PLCG2: variants seen among roughly 807,000 people sequenced by gnomAD.
PLCG2 encodes phospholipase C gamma 2.
PLCG2 carries 69 observed loss-of-function variants against 175.6 expected under a neutral mutation model. The observed-to-expected ratio is 0.39, with a 90% CI of 0.32 to 0.48. The LOEUF (loss-of-function observed/expected upper bound fraction) is 0.48, where lower values mean the gene tolerates loss of function less well. Among genes scored for constraint, PLCG2 ranks in the 20% least tolerant of loss-of-function variants. The pLI is 0.91. For missense variants in PLCG2, 1,798 were observed against 1,650.9 expected, an observed-to-expected ratio of 1.09 and a Z score of -1.54; for synonymous variants, 827 against 624.0, an observed-to-expected ratio of 1.33 and a Z score of -4.85.
upstream of PLCG2, among the ~76,000 whole-genome samples, chr16:81,774,413 G>A (rs1910352904): frequency 6.6e-6 from 1 of 152,040 alleles, no homozygotes; most frequent in South Asian, 2.1e-4. Context: ...AATAGCAGAG[G>A]GGTCTGCCCT....
chr16:81,834,613 G>GCTGCTGCTGCTGCTGCTC (rs1207468729), intron 2 of PLCG2, among the ~76,000 whole-genome samples: 1 of 152,100 alleles, frequency 6.6e-6, no homozygotes, highest in African/African-American at 2.4e-5. Flanking sequence ...TGCTGCTGCT[G>GCTGCTGCTGCTGCTGCTC]TTGGGAGTTT....
chr16:81,812,747 C>G (rs1904371999), intron 2 of PLCG2, among the ~76,000 whole-genome samples: 1 of 152,080 alleles, frequency 6.6e-6, no homozygotes, highest in Non-Finnish European at 1.5e-5. Flanking sequence ...AAGTCTTTGC[C>G]CATGCCTATG....
chr16:81,883,518 G>C, intron 9 of PLCG2, 177 bp downstream of exon 9: 4 of 611,196 alleles, frequency 6.5e-6, no homozygotes, highest in South Asian at 1.9e-5. Context: ...AGAGACTTCA[G>C]ATTGCTGTCT....
At chr16:81,860,773 C>A (rs1906940475) in intron 5 of PLCG2, among the ~76,000 whole-genome samples, 2 of 152,054 alleles carry the variant, frequency 1.3e-5, no homozygotes, top group African/African-American at 4.8e-5. Context: ...GAGTTCGAGA[C>A]CAGCCTGGGC....
intron 2 of PLCG2, among the ~76,000 whole-genome samples, chr16:81,834,189 C>A (rs183755474): frequency 1.2e-4 from 18 of 152,252 alleles, no homozygotes; most frequent in African/African-American, 4.3e-4. Flanking sequence ...GGGCTTTCTT[C>A]CCAAGATTGG....
At chr16:81,768,983 A>T (rs980748463) in intron 2 of PLCG2, among the ~76,000 whole-genome samples, 8 of 152,134 alleles carry the variant, frequency 5.3e-5, no homozygotes, top group Non-Finnish European at 8.8e-5. Context: ...TCATCTCCTT[A>T]TCCTCAGAGC....
intron 1 of PLCG2, among the ~76,000 whole-genome samples, chr16:81,742,886 C>T (rs1909625676): frequency 6.6e-6 from 1 of 152,206 alleles, no homozygotes; most frequent in Admixed American, 6.5e-5. Context: ...TCTTGTTCTT[C>T]CAGACGTGTG....
intron 31 of PLCG2, among the ~76,000 whole-genome samples, chr16:81,951,123 T>C (rs1255321067): frequency 6.6e-6 from 1 of 152,002 alleles, no homozygotes; most frequent in Non-Finnish European, 1.5e-5. Flanking sequence ...TACAGGCATA[T>C]GCCACCATGC....
intron 2 of PLCG2, among the ~76,000 whole-genome samples, chr16:81,787,593 A>T (rs1597318450): frequency 1.3e-5 from 2 of 150,398 alleles, no homozygotes; most frequent in African/African-American, 4.9e-5. Flanking sequence ...TATACATAGA[A>T]TTCACCCATT....
In PLCG2 at chr16:81,868,758, C is replaced by T. The variant is rs536679055; in HGVS notation, c.480-456C>T. Among the ~76,000 whole-genome samples the T allele has an allele frequency of 2.6e-5, 4 of 152,384 alleles. No individual in the cohort carries two copies. The East Asian group carries it at 7.7e-4, about 29-fold the overall frequency. The stretch of plus-strand genomic sequence containing the variant: ...TTGAGATTATCTGGTCATTTGACAT[C>T]ATTTTCTGCCCACACTGAATCTCCT... On this transcript the variant is annotated intron_variant, in intron 5 of 32. Transcript: ENST00000564138.
chr16:81,878,205 C>T (rs1907908223), intron 7 of PLCG2, among the ~76,000 whole-genome samples: 1 of 151,750 alleles, frequency 6.6e-6, no homozygotes, highest in Non-Finnish European at 1.5e-5. Flanking sequence ...AGGATGGTCT[C>T]CATCTCCTGA....
At chr16:81,872,736 G>A (rs1409414199) in intron 7 of PLCG2, among the ~76,000 whole-genome samples, 1 of 152,218 alleles carries the variant, frequency 6.6e-6, no homozygotes, top group Non-Finnish European at 1.5e-5. Context: ...CTTGGAGTCA[G>A]GTGGCTGTGG....
intron 30 of PLCG2, among the ~76,000 whole-genome samples, chr16:81,940,984 G>A (rs529936458): frequency 6.6e-6 from 1 of 152,160 alleles, no homozygotes; most frequent in African/African-American, 2.4e-5. Flanking sequence ...TTCCTCAAGA[G>A]GTCACTGTTC....
chr16:81,932,112 G>T (rs1176320792), intron 25 of PLCG2, among the ~76,000 whole-genome samples: 1 of 152,140 alleles, frequency 6.6e-6, no homozygotes, highest in Non-Finnish European at 1.5e-5. Context: ...TCCGGTGGAG[G>T]AACTTCCCCT....
chr16:81,946,391 A>T (rs1276067578), intron 31 of PLCG2, 128 bp downstream of exon 31: 5 of 681,942 alleles, frequency 7.3e-6, no homozygotes, highest in Non-Finnish European at 1.3e-5. Context: ...AGCATGAGAC[A>T]TCATACAAGA....
intron 2 of PLCG2, among the ~76,000 whole-genome samples, chr16:81,831,495 T>TGTTTGTCTC (rs1905257342): frequency 6.6e-6 from 1 of 152,238 alleles, no homozygotes; most frequent in Non-Finnish European, 1.5e-5. Context: ...TGGCCCTCTC[T>TGTTTGTCTC]ATTTGTCTCA....
chr16:81,782,062 G>T (rs948014887), intron 1 of PLCG2, among the ~76,000 whole-genome samples: 1 of 151,922 alleles, frequency 6.6e-6, no homozygotes, highest in Non-Finnish European at 1.5e-5. Context: ...TTTTTTAGTA[G>T]AGACGGGGTT....
intron 2 of PLCG2, among the ~76,000 whole-genome samples, chr16:81,840,105 G>A (rs976790629): frequency 6.6e-6 from 1 of 152,206 alleles, no homozygotes; most frequent in Non-Finnish European, 1.5e-5. Flanking sequence ...GGGTGTTAGT[G>A]GTGAGCACAT....
intron 1 of PLCG2, among the ~76,000 whole-genome samples, chr16:81,779,937 C>G (rs370847504): frequency 6.6e-6 from 1 of 152,220 alleles, no homozygotes; most frequent in East Asian, 1.9e-4. Context: ...ACTCGCGATG[C>G]CCGCTCCGCA....
Sources: allele counts gnomAD v4.1 joint callset (sites outside exome capture counted in the v4.1 genomes callset), GRCh38; gene constraint gnomAD v4.1.1; transcripts MANE v1.5; gene names NCBI Gene and HGNC (gene_info 2026-07-23, HGNC 2026-07-21).